Variants in MAGI3 observed in about 807,000 individuals in gnomAD.
MAGI3 encodes the protein membrane associated guanylate kinase, WW and PDZ domain containing 3.
Under a neutral mutation model 121.8 loss-of-function variants are expected in MAGI3, and 43 were observed. The ratio of observed to expected loss-of-function variants is 0.35; its 90% CI spans 0.28 to 0.46. MAGI3 has a LOEUF of 0.46. Among genes scored for constraint, MAGI3 ranks in the 20% least tolerant of loss-of-function variants. MAGI3 has a pLI of 1.00. For synonymous variants in MAGI3, 553 were observed against 639.3 expected (o/e 0.86, Z 2.04); for missense variants, 1,547 against 1,797.3 (o/e 0.86, Z 2.52).
chr1:113,524,155 T>G (rs530778006), intron 1 of MAGI3, among the ~76,000 whole-genome samples: 1 of 152,230 alleles, frequency 6.6e-6, no homozygotes, highest in South Asian at 2.1e-4. Context: ...TTCAGAGGAT[T>G]TATGGAAATG....
chr1:113,582,282 G>T (rs1648085836), intron 3 of MAGI3, among the ~76,000 whole-genome samples: 1 of 151,972 alleles, frequency 6.6e-6, no homozygotes, highest in Non-Finnish European at 1.5e-5. Flanking sequence ...CCCCTCTCTA[G>T]ACATCTACTC....
rs188191482 is a variant in MAGI3, at chr1:113,685,550, A to G, written c.*1536A>G. 1.2e-4 allele frequency: 18 copies of G among 152,450 alleles called. No homozygotes were observed. Among genetic ancestry groups the G allele is most frequent in the African/African-American group, 3.6e-4 (15 of 41,572 alleles). The allele number at this position is 152,450 out of a possible 1,614,324, so 9.4% of individuals were successfully genotyped here. A position where few individuals can be genotyped will look rare whatever the true frequency, so the allele number is the denominator to read the frequency against. ...TGAAATCCCCTTTTCATCCAGAACT[A>G]TATTTACCCACCTATTGTAACTATT... On this transcript the variant is annotated 3_prime_UTR_variant, in exon 21 of 21. Coordinates refer to ENST00000307546, the MANE Select transcript of MAGI3 (RefSeq NM_001142782.2).
intron 13 of MAGI3, among the ~76,000 whole-genome samples, chr1:113,650,279 G>T (rs751517007): frequency 1.7e-4 from 25 of 148,364 alleles, no homozygotes; most frequent in East Asian, 5.8e-4. Flanking sequence ...CTTGGTATTT[G>T]TATTTTTGTT....
At chr1:113,551,714 C>G (rs181005774) in intron 2 of MAGI3, among the ~76,000 whole-genome samples, 134 of 152,214 alleles carry the variant, frequency 8.8e-4, no homozygotes, top group African/African-American at 3.1e-3. Flanking sequence ...TGATCAATAT[C>G]TTTAGCCTCA....
rs1292560227 is a variant in MAGI3, at chr1:113,594,570, C to G, written c.1018+10C>G. 1 of 1,600,304 alleles carries G rather than the reference C, an allele frequency of 6.2e-7. No individual in the cohort carries two copies. Among genetic ancestry groups the G allele is most frequent in the Non-Finnish European group, 8.5e-7 (1 of 1,170,204 alleles). Reference sequence around the variant, plus strand: ...GACTGTGAAGATGGAGGTAGAGATTCAGAAACTTACTCTATCATACTTATT... The same window carrying G: ...GACTGTGAAGATGGAGGTAGAGATTGAGAAACTTACTCTATCATACTTATT... On this transcript the variant is annotated intron_variant, in intron 6 of 20. Transcript: ENST00000307546.
intron 1 of MAGI3, among the ~76,000 whole-genome samples, chr1:113,504,052 A>G (rs1345135453): frequency 6.6e-6 from 1 of 152,072 alleles, no homozygotes; most frequent in Non-Finnish European, 1.5e-5. Context: ...GTAAAAAACT[A>G]GAAAAGAACC....
At chr1:113,407,756 C>T (rs1414427052) in intron 1 of MAGI3, among the ~76,000 whole-genome samples, 1 of 151,988 alleles carries the variant, frequency 6.6e-6, no homozygotes, top group Non-Finnish European at 1.5e-5. Flanking sequence ...TAGTTCAGGA[C>T]TCTAATTTGA....
chr1:113,673,184 C>G (rs1223377830), intron 18 of MAGI3, 138 bp from the exon 19 acceptor site: 1 of 1,053,732 alleles, frequency 9.5e-7, no homozygotes. Flanking sequence ...TTAACCAAAA[C>G]CTACATTCCT....
At chr1:113,460,096 G>A (rs1387282483) in intron 1 of MAGI3, among the ~76,000 whole-genome samples, 1 of 152,064 alleles carries the variant, frequency 6.6e-6, no homozygotes, top group African/African-American at 2.4e-5. Context: ...TTCATCCCTG[G>A]GATGCAAGAT....
At chr1:113,406,309 G>A (rs1651678558) in intron 1 of MAGI3, among the ~76,000 whole-genome samples, 2 of 150,512 alleles carry the variant, frequency 1.3e-5, no homozygotes, top group African/African-American at 2.4e-5. Context: ...TTAGCCGGGT[G>A]TGGTGGCACG....
intron 1 of MAGI3, among the ~76,000 whole-genome samples, chr1:113,436,161 A>T (rs1003201801): frequency 7.2e-5 from 11 of 152,142 alleles, no homozygotes; most frequent in African/African-American, 2.4e-4. Context: ...AGATATAGGG[A>T]TGTTATAATT....
intron 1 of MAGI3, among the ~76,000 whole-genome samples, chr1:113,455,062 G>T (rs1654677849): frequency 6.6e-6 from 1 of 152,052 alleles, no homozygotes; most frequent in Non-Finnish European, 1.5e-5. Context: ...TTCATTAAAA[G>T]ATAAATAGTG....
chr1:113,463,998 C>A (rs1460564282), intron 1 of MAGI3, among the ~76,000 whole-genome samples: 1 of 152,010 alleles, frequency 6.6e-6, no homozygotes, highest in Non-Finnish European at 1.5e-5. Context: ...TTTCTTTATG[C>A]TATAAACATT....
intron 1 of MAGI3, among the ~76,000 whole-genome samples, chr1:113,474,564 C>A (rs568853367): frequency 1.3e-5 from 2 of 152,046 alleles, no homozygotes; most frequent in Non-Finnish European, 2.9e-5. Flanking sequence ...GTCAAAGATC[C>A]GATGGTTGCG....
At chr1:113,451,449 T>C (rs1350102401) in intron 1 of MAGI3, among the ~76,000 whole-genome samples, 2 of 152,194 alleles carry the variant, frequency 1.3e-5, no homozygotes. Flanking sequence ...CACAATATTA[T>C]ATATTTTAAA....
intron 1 of MAGI3, among the ~76,000 whole-genome samples, chr1:113,534,763 T>G (rs532545344): frequency 6.6e-6 from 1 of 152,330 alleles, no homozygotes; most frequent in Admixed American, 6.5e-5. Context: ...TCGTTTTATT[T>G]ATTTTAAGGG....
At chr1:113,649,961 T>C (rs1653065686) in intron 13 of MAGI3, among the ~76,000 whole-genome samples, 1 of 152,216 alleles carries the variant, frequency 6.6e-6, no homozygotes, top group Admixed American at 6.5e-5. Context: ...GGGTTTTGTT[T>C]CTAAGTTTTG....
intron 1 of MAGI3, among the ~76,000 whole-genome samples, chr1:113,547,298 A>G (rs1278051581): frequency 6.6e-6 from 1 of 152,006 alleles, no homozygotes; most frequent in African/African-American, 2.4e-5. Flanking sequence ...TCAAATTTAA[A>G]AAAAAAAGGA....
intron 1 of MAGI3, among the ~76,000 whole-genome samples, chr1:113,407,825 G>A (rs866113666): frequency 6.6e-6 from 1 of 152,090 alleles, no homozygotes; most frequent in South Asian, 2.1e-4. Context: ...GTTTTCCCAC[G>A]AACTCGTTTA....
Sources: gnomAD v4.1 joint callset for allele counts (sites outside exome capture counted in the v4.1 genomes callset) on GRCh38, gnomAD v4.1.1 for gene constraint, MANE v1.5 for transcripts, NCBI Gene and HGNC (gene_info 2026-07-23, HGNC 2026-07-21) for gene names.